Variants in PTPN1 observed in about 807,000 individuals in gnomAD.
The protein encoded by PTPN1 is tyrosine-protein phosphatase non-receptor type 1.
In PTPN1, 12 loss-of-function variants were observed where a neutral mutation model predicts 59.9. The ratio of observed to expected loss-of-function variants is 0.20; its 90% CI spans 0.13 to 0.32. The LOEUF is 0.32. Ranked by LOEUF, PTPN1 falls within the 10% of genes least tolerant of loss-of-function variation. The pLI is 1.00. For missense variants in PTPN1, 356 were observed against 549.2 expected, an observed-to-expected ratio of 0.65 and a Z score of 3.52; for synonymous variants, 178 against 203.6, an observed-to-expected ratio of 0.87 and a Z score of 1.07.
At chr20:50,553,522 G>A (rs1027913096) in intron 1 of PTPN1, among the ~76,000 whole-genome samples, 1 of 152,180 alleles carries the variant, frequency 6.6e-6, no homozygotes, top group Admixed American at 6.5e-5. Flanking sequence ...ATAATTCCCA[G>A]CACTCATTCA....
intron 1 of PTPN1, among the ~76,000 whole-genome samples, chr20:50,536,287 T>G (rs1416830766): frequency 6.6e-6 from 1 of 152,232 alleles, no homozygotes; most frequent in Non-Finnish European, 1.5e-5. Flanking sequence ...ATAATTTATG[T>G]TGGCGCTTAC....
At chr20:50,532,772 T>C (rs1210740166) in intron 1 of PTPN1, among the ~76,000 whole-genome samples, 1 of 152,156 alleles carries the variant, frequency 6.6e-6, no homozygotes, top group Non-Finnish European at 1.5e-5. Flanking sequence ...AGATCCCTTT[T>C]CCTGCAATCC....
At chr20:50,546,770 T>C (rs1471106925) in intron 1 of PTPN1, among the ~76,000 whole-genome samples, 1 of 152,212 alleles carries the variant, frequency 6.6e-6, no homozygotes, top group Non-Finnish European at 1.5e-5. Flanking sequence ...TATGATACCT[T>C]TCTCCCTGGG....
chr20:50,554,380 A>ATTCTCTCTCTCTCTC (rs11481722), intron 1 of PTPN1, among the ~76,000 whole-genome samples: 7,004 of 140,158 alleles, frequency 0.05, 338 homozygotes, highest in African/African-American at 0.068. Flanking sequence ...GCAAGACCAC[A>ATTCTCTCTCTCTCTC]TCTCTCTCTC....
intron 1 of PTPN1, among the ~76,000 whole-genome samples, chr20:50,549,123 A>G (rs1175913899): frequency 6.6e-6 from 1 of 152,204 alleles, no homozygotes; most frequent in African/African-American, 2.4e-5. Context: ...AGAACTAACT[A>G]GTTGTCTTCT....
intron 1 of PTPN1, among the ~76,000 whole-genome samples, chr20:50,532,917 A>G (rs554225308): frequency 2.1e-4 from 32 of 152,090 alleles, no homozygotes; most frequent in Non-Finnish European, 4.1e-4. Context: ...GCTGGGTTGG[A>G]GATCAGTAGC....
At chr20:50,525,099 G>A (rs2082568664) in intron 1 of PTPN1, among the ~76,000 whole-genome samples, 1 of 151,808 alleles carries the variant, frequency 6.6e-6, no homozygotes, top group South Asian at 2.1e-4. Context: ...TGCTCTTGCT[G>A]CCTAGGCTGG....
chr20:50,526,568 TTCCCTGGCAGTTGAGATA>T (rs1212889526), intron 1 of PTPN1, among the ~76,000 whole-genome samples: 7 of 152,194 alleles, frequency 4.6e-5, no homozygotes, highest in African/African-American at 1.4e-4. Flanking sequence ...AGCTATTTCC[TTCCCTGGCAGTTGAGATA>T]GTCTCTACCT....
At chr20:50,527,227 CCTT>C (rs1261151546) in intron 1 of PTPN1, among the ~76,000 whole-genome samples, 2 of 152,216 alleles carry the variant, frequency 1.3e-5, no homozygotes, top group Non-Finnish European at 2.9e-5. Flanking sequence ...TTTATACTCT[CCTT>C]CTCTGGTTGA....
At chr20:50,561,704 ACTGTTTTTG>A (rs2122777693) in intron 2 of PTPN1, among the ~76,000 whole-genome samples, 1 of 152,218 alleles carries the variant, frequency 6.6e-6, no homozygotes, top group East Asian at 1.9e-4. Flanking sequence ...TTAAGCTTTG[ACTGTTTTTG>A]TGATGAATCA....
At position 50,517,762 on chromosome 20, in the gene PTPN1, T is replaced by C. The variant is rs943648912; in HGVS notation, c.63+7172T>C. ...CATTTTCTCTGGGAAATAAACGTATTCTTTACTACTCTGAATCTAGTGCTG... is the reference window on the plus strand; with the variant it reads ...CATTTTCTCTGGGAAATAAACGTATCCTTTACTACTCTGAATCTAGTGCTG... On this transcript the variant is annotated intron_variant, in intron 1 of 9. Coordinates refer to ENST00000371621, the MANE Select transcript of PTPN1 (RefSeq NM_002827.4). Among the ~76,000 whole-genome samples, 3 of 152,308 alleles carry C rather than the reference T, an allele frequency of 2.0e-5. No homozygotes were observed. In the East Asian group the frequency reaches 5.8e-4, roughly 29 times the overall value.
In PTPN1 at chr20:50,584,235, A is replaced by G. The variant is rs2082885515; in HGVS notation, c.*1520A>G. 6.6e-6 allele frequency: 1 copy of G among 152,530 alleles called. No homozygotes were observed. Among genetic ancestry groups the G allele is most frequent in the African/African-American group, 2.4e-5 (1 of 41,454 alleles). The allele number at this position is 152,530 out of a possible 1,614,324, so 9.4% of individuals were successfully genotyped here. A position where few individuals can be genotyped will look rare whatever the true frequency, so the allele number is the denominator to read the frequency against. ...AGTACAGAGAAATTCTGTGGTGGGA[A>G]CATTCGAGGTGTCACCCTGCAGAGC... On this transcript the variant is annotated 3_prime_UTR_variant, in exon 10 of 10. Coordinates refer to ENST00000371621, the MANE Select transcript of PTPN1 (RefSeq NM_002827.4).
intron 1 of PTPN1, among the ~76,000 whole-genome samples, chr20:50,524,712 G>C: frequency 6.6e-6 from 1 of 151,294 alleles, no homozygotes; most frequent in East Asian, 2.0e-4. Flanking sequence ...AAGTAGCTGG[G>C]ATTACAGGCG....
chr20:50,544,855 A>G (rs767911414), intron 1 of PTPN1, among the ~76,000 whole-genome samples: 5 of 152,074 alleles, frequency 3.3e-5, no homozygotes, highest in Non-Finnish European at 7.4e-5. Context: ...AACTAGAAAT[A>G]ATTAGCTGGG....
At chr20:50,562,568 T>C (rs1432844627) in intron 2 of PTPN1, among the ~76,000 whole-genome samples, 1 of 152,220 alleles carries the variant, frequency 6.6e-6, no homozygotes, top group Non-Finnish European at 1.5e-5. Context: ...CAGCGCCCAG[T>C]ACCTCACGCA....
At chr20:50,554,380 A>ATTCATTCTCTCTCTCTCTCTCTCTCTCTC (rs11481722) in intron 1 of PTPN1, among the ~76,000 whole-genome samples, 1 of 140,200 alleles carries the variant, frequency 7.1e-6, no homozygotes, top group African/African-American at 2.7e-5. Flanking sequence ...GCAAGACCAC[A>ATTCATTCTCTCTCTCTCTCTCTCTCTCTC]TCTCTCTCTC....
chr20:50,581,179 T>C, intron 8 of PTPN1, 86 bp from the exon 9 acceptor site: 2 of 1,499,510 alleles, frequency 1.3e-6, no homozygotes, highest in African/African-American at 2.8e-5. Flanking sequence ...GCTTGTTTTT[T>C]CCTAGAATTC....
intron 1 of PTPN1, among the ~76,000 whole-genome samples, chr20:50,540,766 C>G (rs2082648644): frequency 1.3e-5 from 2 of 152,204 alleles, no homozygotes; most frequent in African/African-American, 4.8e-5. Context: ...AGCTAATCAT[C>G]ATGGTGAGCT....
intron 2 of PTPN1, among the ~76,000 whole-genome samples, chr20:50,564,076 A>C (rs1004271693): frequency 6.6e-6 from 1 of 152,134 alleles, no homozygotes; most frequent in Admixed American, 6.5e-5. Context: ...TTTAAAAAAA[A>C]AAAACAAAAA....
Sources: allele counts gnomAD v4.1 joint callset (sites outside exome capture counted in the v4.1 genomes callset), GRCh38; gene constraint gnomAD v4.1.1; transcripts MANE v1.5; gene names NCBI Gene and HGNC (gene_info 2026-07-23, HGNC 2026-07-21).